POGLUT1: variants seen among roughly 807,000 people sequenced by gnomAD.
The protein encoded by POGLUT1 is 9630046K23Rik.
POGLUT1 carries 32 observed loss-of-function variants against 61.3 expected under a neutral mutation model. The ratio of observed to expected loss-of-function variants is 0.52; its 90% CI spans 0.39 to 0.70. The LOEUF (loss-of-function observed/expected upper bound fraction) is 0.70. Ranked by LOEUF, POGLUT1 falls within the 30% of genes least tolerant of loss-of-function variation. The pLI, the probability that POGLUT1 is intolerant of heterozygous loss-of-function variation, is 0.00. For missense variants in POGLUT1, 411 were observed against 469.8 expected (o/e 0.87, Z 1.16); for synonymous variants, 158 against 158.2 (o/e 1.00, Z 0.01).
Position 119,488,924 on chromosome 3 carries a change from T to G in POGLUT1, c.739-5T>G, listed in dbSNP as rs527564058. ...TAATACTAATAACTTCCTTTCCACT[T>G]AAAGGATACCTTAGGAAAGCCAGCT... On this transcript the variant is annotated splice_polypyrimidine_tract_variant and splice_region_variant and intron_variant, in intron 7 of 10. Transcript: ENST00000295588. 1 of 1,555,630 alleles carries G rather than the reference T, an allele frequency of 6.4e-7. No homozygotes were observed. The highest frequency in any genetic ancestry group is 1.1e-5 in the South Asian group (1 of 89,196).
chr3:119,489,052 G>T (rs1423884606), intron 8 of POGLUT1, 65 bp downstream of exon 8: 1 of 888,778 alleles, frequency 1.1e-6, no homozygotes, highest in Non-Finnish European at 1.8e-6. Context: ...CTTCACTTTG[G>T]GTGAGAACTT....
rs368668915 is a variant in POGLUT1, at chr3:119,469,926, T to C, written c.176+16T>C. 6.8e-6 allele frequency: 10 copies of C among 1,463,028 alleles called. No individual in the cohort carries two copies. Among genetic ancestry groups the C allele is most frequent in the African/African-American group, 1.4e-5 (1 of 71,984 alleles). The allele number at this position is 1,463,028 out of a possible 1,614,324, so 90.6% of individuals were successfully genotyped here. On this transcript the variant is annotated intron_variant, in intron 2 of 10. Transcript: ENST00000295588. ...GCTACCATGGGTGAGTTCTTTTCTTTGATGTGTCTTTGAGAGTTTAGTTGC... is the reference window on the plus strand; with the variant it reads ...GCTACCATGGGTGAGTTCTTTTCTTCGATGTGTCTTTGAGAGTTTAGTTGC...
At position 119,491,493 on chromosome 3, in the gene POGLUT1, C is replaced by T. The variant is rs772396780; in HGVS notation, c.966-25C>T. 2.9e-5 allele frequency: 36 copies of T among 1,231,860 alleles called. No homozygotes were observed. The East Asian group carries it at 8.7e-4, about 30-fold the overall frequency. The allele number at this position is 1,231,860 out of a possible 1,614,324, so 76.3% of individuals were successfully genotyped here. On this transcript the variant is annotated intron_variant, in intron 9 of 10. Transcript: ENST00000295588. Reference sequence around the variant, plus strand: ...GCCAATGAAGTTGGTCTATATTTCACAGTCTAAAATTCTTTTCATTTTAGA... The same window carrying T: ...GCCAATGAAGTTGGTCTATATTTCATAGTCTAAAATTCTTTTCATTTTAGA...
chr3:119,491,568 C>T lies in POGLUT1; in HGVS notation c.1016C>T (p.Ala339Val). The T allele has an allele frequency of 6.5e-7, 1 of 1,545,660 alleles. No individual in the cohort carries two copies. The highest frequency in any genetic ancestry group is 8.9e-7 in the Non-Finnish European group (1 of 1,129,442). Residue 339 changes from alanine to valine, a missense_variant, in exon 10 of 11, where the codon GCT becomes GTT. By Grantham distance (64) the Ala-to-Val change is moderately conservative (BLOSUM62 0). Coordinates refer to ENST00000295588, the MANE Select transcript of POGLUT1 (RefSeq NM_152305.3). ...AATGATGATGTAGCTCAAGAGATTG[C>T]TGAAAGGTGAGTTCTGTTCATTTTC... The part of the protein sequence containing the change: ...KANDDVAQEI[A>V]ERGSQFIRNH...
intron 3 of POGLUT1, among the ~76,000 whole-genome samples, chr3:119,472,086 A>G (rs1396968310): frequency 6.6e-6 from 1 of 152,210 alleles, no homozygotes; most frequent in African/African-American, 2.4e-5. Context: ...GACCTGAGGT[A>G]CCATGTCAGT....
At chr3:119,478,378 G>T (rs572630130) in intron 4 of POGLUT1, 26 of 456,680 alleles carry the variant, frequency 5.7e-5, no homozygotes, top group Admixed American at 2.8e-4. Context: ...GGCCACATTT[G>T]TGTTGCATTT....
intron 7 of POGLUT1, among the ~76,000 whole-genome samples, chr3:119,487,462 C>T (rs2081679199): frequency 1.3e-5 from 2 of 152,054 alleles, no homozygotes; most frequent in African/African-American, 2.4e-5. Context: ...TGGTATGTGC[C>T]GGTAGTCCCA....
chr3:119,488,813 T>C (rs910271683), intron 7 of POGLUT1, 116 bp from the exon 8 acceptor site: 1 of 549,688 alleles, frequency 1.8e-6, no homozygotes, highest in Non-Finnish European at 3.4e-6. Flanking sequence ...CCTGAGTATA[T>C]TGATTATGAA....
chr3:119,485,078 G>A (rs1331185308), intron 5 of POGLUT1, among the ~76,000 whole-genome samples: 2 of 152,124 alleles, frequency 1.3e-5, no homozygotes, highest in Admixed American at 6.6e-5. Flanking sequence ...TTAGCCGGGC[G>A]TGGTGGCGGG....
chr3:119,491,413 C>G, intron 9 of POGLUT1, 105 bp from the exon 10 acceptor site: 1 of 508,608 alleles, frequency 2.0e-6, no homozygotes, highest in Non-Finnish European at 3.5e-6. Flanking sequence ...AATCCACCAT[C>G]CACATACCTA....
At chr3:119,484,616 G>A (rs191668704) in intron 5 of POGLUT1, among the ~76,000 whole-genome samples, 1 of 152,308 alleles carries the variant, frequency 6.6e-6, no homozygotes, top group Admixed American at 6.5e-5. Context: ...ATCAGAGAGT[G>A]ATTTCCCTTT....
At chr3:119,488,079 C>T (rs1038810764) in intron 7 of POGLUT1, 1 of 152,168 alleles carries the variant, frequency 6.6e-6, no homozygotes, top group East Asian at 1.9e-4. Context: ...AAGCTTTAGA[C>T]TTCTTGGGAG....
intron 3 of POGLUT1, among the ~76,000 whole-genome samples, chr3:119,475,656 T>TA (rs1237938141): frequency 2.0e-5 from 3 of 151,340 alleles, no homozygotes; most frequent in African/African-American, 7.3e-5. Flanking sequence ...CTACTAAAAA[T>TA]AAAAAAATTA....
At chr3:119,479,336 G>A (rs2081580145) in intron 4 of POGLUT1, among the ~76,000 whole-genome samples, 2 of 152,146 alleles carry the variant, frequency 1.3e-5, no homozygotes, top group Admixed American at 6.5e-5. Flanking sequence ...CAATCAATGT[G>A]AGCCCAACAG....
At chr3:119,476,934 T>C (rs1254930809) in intron 3 of POGLUT1, among the ~76,000 whole-genome samples, 2 of 152,208 alleles carry the variant, frequency 1.3e-5, no homozygotes, top group Non-Finnish European at 2.9e-5. Flanking sequence ...GGTGGAAAAT[T>C]AGCTATTTCA....
chr3:119,481,687 T>C (rs1577082675), intron 5 of POGLUT1, among the ~76,000 whole-genome samples: 1 of 152,194 alleles, frequency 6.6e-6, no homozygotes. Context: ...AGAAATTGTC[T>C]TTGTCCAGCC....
chr3:119,489,012 T>G (rs1269570736), intron 8 of POGLUT1, 25 bp downstream of exon 8: 18 of 1,416,358 alleles, frequency 1.3e-5, no homozygotes, highest in Middle Eastern at 1.8e-4. Context: ...ACTCCTCACT[T>G]TCTTGGTTTC....
intron 5 of POGLUT1, among the ~76,000 whole-genome samples, chr3:119,482,523 A>C (rs1298684360): frequency 6.6e-6 from 1 of 152,230 alleles, no homozygotes; most frequent in Admixed American, 6.5e-5. Flanking sequence ...CAGGTAAACT[A>C]GTAAGCAATT....
intron 3 of POGLUT1, among the ~76,000 whole-genome samples, 171 bp from the exon 4 acceptor site, chr3:119,477,142 A>G (rs1560032442): frequency 6.6e-6 from 1 of 152,232 alleles, no homozygotes; most frequent in Non-Finnish European, 1.5e-5. Context: ...CAATACAAAA[A>G]AGCAGAATAG....
Sources: gnomAD v4.1 joint callset for allele counts (sites outside exome capture counted in the v4.1 genomes callset) on GRCh38, gnomAD v4.1.1 for gene constraint, MANE v1.5 for transcripts, NCBI Gene and HGNC (gene_info 2026-07-23, HGNC 2026-07-21) for gene names.